Variants in SDK1 observed in about 807,000 individuals in gnomAD.
SDK1 encodes the protein sidekick cell adhesion molecule 1, also known as protein sidekick-1.
Under a neutral mutation model 245.5 loss-of-function variants are expected in SDK1, and 157 were observed. The ratio of observed to expected loss-of-function variants is 0.64; its 90% CI spans 0.56 to 0.73. SDK1 has a LOEUF of 0.73. Among genes scored for constraint, SDK1 ranks in the 30% least tolerant of loss-of-function variants. SDK1 has a pLI of 0.00. For missense variants in SDK1, 3,583 were observed against 3,002.3 expected, an observed-to-expected ratio of 1.19 and a Z score of -4.52; for synonymous variants, 1,647 against 1,278.5, an observed-to-expected ratio of 1.29 and a Z score of -6.15.
chr7:3,796,516 CT>C (rs1778964456), intron 4 of SDK1, among the ~76,000 whole-genome samples: 1 of 151,594 alleles, frequency 6.6e-6, no homozygotes, highest in African/African-American at 2.4e-5. Context: ...AGTAATGCCC[CT>C]CTCCCCCCCA....
intron 1 of SDK1, among the ~76,000 whole-genome samples, chr7:3,442,651 G>T (rs1051762503): frequency 6.6e-6 from 1 of 152,172 alleles, no homozygotes; most frequent in Non-Finnish European, 1.5e-5. Context: ...TTTTCTTTGA[G>T]AATATGGAAA....
chr7:3,717,640 A>T (rs986427058), intron 4 of SDK1, among the ~76,000 whole-genome samples: 1 of 152,230 alleles, frequency 6.6e-6, no homozygotes, highest in Non-Finnish European at 1.5e-5. Context: ...ATACTACAGC[A>T]GGTTTATGCC....
In SDK1 at chr7:3,563,811, T is replaced by G. The variant is rs1293392593; in HGVS notation, c.299-55269T>G. On this transcript the variant is annotated intron_variant, in intron 1 of 44. Transcript: ENST00000404826. The stretch of plus-strand genomic sequence containing the variant: ...CGTGTATTATGCCATATAAGAAGCC[T>G]CAATTTCCCAGGAATGAAAGCAATA... Among the ~76,000 whole-genome samples the G allele has an allele frequency of 2.0e-5, 3 of 152,300 alleles. No individual in the cohort carries two copies. The East Asian group carries it at 5.8e-4, about 29-fold the overall frequency.
At chr7:3,945,470 G>A (rs1009893579) in intron 5 of SDK1, among the ~76,000 whole-genome samples, 2 of 152,148 alleles carry the variant, frequency 1.3e-5, no homozygotes, top group African/African-American at 2.4e-5. Flanking sequence ...TATACTCTCC[G>A]AGACATTTAG....
chr7:3,966,173 C>G (rs895692478), intron 9 of SDK1, among the ~76,000 whole-genome samples: 3 of 152,030 alleles, frequency 2.0e-5, no homozygotes, highest in African/African-American at 7.2e-5. Context: ...AAGACCTGGA[C>G]TCGGGTGGTT....
chr7:3,413,498 C>T (rs1413294334), intron 1 of SDK1, among the ~76,000 whole-genome samples: 1 of 150,824 alleles, frequency 6.6e-6, no homozygotes, highest in Admixed American at 6.6e-5. Flanking sequence ...AGTTTGAGAC[C>T]AGCCTGGCCA....
chr7:3,324,506 TG>T (rs757385814), intron 1 of SDK1, among the ~76,000 whole-genome samples: 72 of 152,070 alleles, frequency 4.7e-4, no homozygotes, highest in Non-Finnish European at 8.5e-4. Flanking sequence ...GAATAGGAGG[TG>T]GCTCTTGGAA....
chr7:4,082,359 A>G (rs952971064), intron 22 of SDK1, among the ~76,000 whole-genome samples: 2 of 151,732 alleles, frequency 1.3e-5, no homozygotes, highest in Admixed American at 6.6e-5. Flanking sequence ...AACATGTGAA[A>G]CCCCATCTCT....
rs1003275413 is a variant in SDK1, at chr7:4,241,704, G to T, written c.6131-89G>T. ...GGGCTCTGCGTGCAGCAGGACTCAGGAGCTGCCCCGCTGGCCAGCTCTGGC... is the reference window on the plus strand; with the variant it reads ...GGGCTCTGCGTGCAGCAGGACTCAGTAGCTGCCCCGCTGGCCAGCTCTGGC... On this transcript the variant is annotated intron_variant, in intron 42 of 44. Coordinates refer to ENST00000404826, the MANE Select transcript of SDK1 (RefSeq NM_152744.4). The T allele has an allele frequency of 1.9e-6, 3 of 1,539,176 alleles. No homozygotes were observed. In the African/African-American group the frequency reaches 4.1e-5, roughly 21 times the overall value.
chr7:3,623,199 G>C (rs1278438392), intron 2 of SDK1, among the ~76,000 whole-genome samples: 1 of 149,638 alleles, frequency 6.7e-6, no homozygotes, highest in East Asian at 1.9e-4. Flanking sequence ...CATTTTCTTT[G>C]CTGTGTGCGT....
intron 1 of SDK1, among the ~76,000 whole-genome samples, chr7:3,586,270 C>G (rs1218760901): frequency 6.6e-6 from 1 of 151,936 alleles, no homozygotes; most frequent in Non-Finnish European, 1.5e-5. Context: ...CAACATAGAC[C>G]TCCGAAAGAG....
intron 1 of SDK1, among the ~76,000 whole-genome samples, chr7:3,393,089 G>C (rs897506213): frequency 1.4e-5 from 2 of 147,328 alleles, no homozygotes; most frequent in African/African-American, 5.0e-5. Context: ...TCCTGTCTCA[G>C]TCTCCTGAGT....
chr7:4,049,976 G>A (rs1036965876), intron 18 of SDK1, among the ~76,000 whole-genome samples: 2 of 152,264 alleles, frequency 1.3e-5, no homozygotes, highest in East Asian at 1.9e-4. Context: ...TCCATCATCC[G>A]ACTTCTTGTG....
chr7:4,030,097 C>T (rs544667306), intron 17 of SDK1, among the ~76,000 whole-genome samples: 1 of 152,248 alleles, frequency 6.6e-6, no homozygotes, highest in Admixed American at 6.5e-5. Context: ...TGGCTAGATG[C>T]GCGTCAAGCA....
chr7:4,227,784 G>A (rs1348311605), intron 40 of SDK1, among the ~76,000 whole-genome samples: 2 of 152,206 alleles, frequency 1.3e-5, no homozygotes, highest in African/African-American at 4.8e-5. Context: ...ACCCTTCGAC[G>A]TGCTGCGCTG....
rs548519476 is a variant in SDK1 at position 4,005,617 on chromosome 7, C to A, written c.2132-5349C>A. On this transcript the variant is annotated intron_variant, in intron 14 of 44. Coordinates refer to ENST00000404826, the MANE Select transcript of SDK1 (RefSeq NM_152744.4). ...TTGGTTTCCTGGAGTGAAAAAGAGG[C>A]GCAGTAAGACCTCCTCCCCAAGCGG... Among the ~76,000 whole-genome samples, 4 of 152,160 alleles carry A rather than the reference C, an allele frequency of 2.6e-5. No homozygotes were observed. The South Asian group carries it at 6.2e-4, about 24-fold the overall frequency.
intron 14 of SDK1, among the ~76,000 whole-genome samples, chr7:3,995,637 C>G (rs1014796830): frequency 1.3e-5 from 2 of 152,320 alleles, no homozygotes; most frequent in South Asian, 4.1e-4. Flanking sequence ...AAGATACCCT[C>G]CTGTGTCTTC....
Position 3,969,314 on chromosome 7 carries a change from C to CG in SDK1, c.1610dup (p.Leu538SerfsTer44). ...ATTCCTAGGTTCATGCTTCTTGAAT[C>CG]GGGGGGTCTACAGATCGCGCCCGTC... is the stretch of plus-strand genomic sequence containing the variant. On this transcript the variant is annotated frameshift_variant, in exon 11 of 45. Coordinates refer to ENST00000404826, the MANE Select transcript of SDK1 (RefSeq NM_152744.4). LOFTEE classifies it high-confidence loss of function. The CG allele has an allele frequency of 6.2e-7, 1 of 1,610,812 alleles. No homozygotes were observed. The highest frequency in any genetic ancestry group is 1.1e-5 in the South Asian group (1 of 89,982).
At position 4,265,234 on chromosome 7, in the gene SDK1, A is replaced by C. The variant is rs907926871; in HGVS notation, c.6492A>C (p.Ala2164=). The C allele has an allele frequency of 1.9e-6, 3 of 1,607,886 alleles. No homozygotes were observed. ...GGAAGCGCAGGGCCCAGGGCCGCGC[A>C]CCTGCGCCGCACAGGTACGAGGCGG... The part of the protein sequence containing the change: ...NSWKRRAQGR[A]PAPHRYEAVA... Residue 2164 remains alanine (A), a synonymous_variant, in exon 45 of 45, where the codon GCA becomes GCC. Coordinates refer to ENST00000404826, the MANE Select transcript of SDK1 (RefSeq NM_152744.4).
Sources: gnomAD v4.1 joint callset for allele counts (sites outside exome capture counted in the v4.1 genomes callset) on GRCh38, gnomAD v4.1.1 for gene constraint, MANE v1.5 for transcripts, NCBI Gene and HGNC (gene_info 2026-07-23, HGNC 2026-07-21) for gene names.